DNAH11: variants seen among roughly 807,000 people sequenced by gnomAD.
The protein encoded by DNAH11 is dynein axonemal heavy chain 11.
In DNAH11, 442 loss-of-function variants were observed where a neutral mutation model predicts 526.0. The ratio of observed to expected loss-of-function variants is 0.84; its 90% confidence interval spans 0.78 to 0.91. The LOEUF is 0.91. Among genes scored for constraint, DNAH11 ranks in the 40% least tolerant of loss-of-function variants. The probability of loss-of-function intolerance (pLI) is 0.00; values close to 1 mark genes in which losing one functional copy is unlikely to be tolerated. For synonymous variants in DNAH11, 2,461 were observed against 1,935.9 expected, an observed-to-expected ratio of 1.27 and a Z score of -7.12; for missense variants, 6,989 against 5,448.7, an observed-to-expected ratio of 1.28 and a Z score of -8.90.
At chr7:21,881,962 G>A (rs1195988147) in intron 75 of DNAH11, among the ~76,000 whole-genome samples, 2 of 152,026 alleles carry the variant, frequency 1.3e-5, no homozygotes, top group Admixed American at 6.6e-5. Context: ...TGAATACTTT[G>A]AGCATATTTT....
chr7:21,789,162 A>C, intron 60 of DNAH11, 79 bp from the exon 61 acceptor site: 1 of 1,040,144 alleles, frequency 9.6e-7, no homozygotes, highest in Non-Finnish European at 1.4e-6. Context: ...TAGAGATTTT[A>C]ATTGTAAAGC....
At chr7:21,820,225 G>A (rs1583734490) in intron 65 of DNAH11, among the ~76,000 whole-genome samples, 1 of 152,072 alleles carries the variant, frequency 6.6e-6, no homozygotes, top group African/African-American at 2.4e-5. Context: ...ACTATACTGG[G>A]GGCTGCAGAT....
chr7:21,842,631 G>A lies in DNAH11; in HGVS notation c.10779G>A (p.Lys3593=). The A allele has an allele frequency of 8.7e-6, 14 of 1,613,952 alleles. No individual in the cohort carries two copies. Among genetic ancestry groups the A allele is most frequent in the Non-Finnish European group, 1.1e-5 (13 of 1,179,880 alleles). ...LHTKLANPHY[K]PELQAQTTLL... is the part of the protein sequence containing the mutation. ...CAAAATTGGCAAATCCTCACTATAA[G>A]CCGGAATTACAAGCTCAGACAACTC... is the stretch of plus-strand genomic sequence containing the variant. Residue 3593 remains lysine (K), a synonymous_variant, in exon 66 of 82, where the codon AAG becomes AAA. Transcript: ENST00000409508.
Position 21,892,587 on chromosome 7 carries a change from A to G in DNAH11, c.12670A>G (p.Thr4224Ala), listed in dbSNP as rs748398869. 5.6e-6 allele frequency: 9 copies of G among 1,613,612 alleles called. No individual in the cohort carries two copies. The highest frequency in any genetic ancestry group is 3.3e-4 in the Middle Eastern group (2 of 6,060). ...EIEFLTVTSN[T>A]LFRTLLEMQP... ...AGAATTCCTGACAGTGACATCCAAC[A>G]CTCTCTTCAGAACTTTGCTGGAGAT... Residue 4224 changes from threonine to alanine, a missense_variant, in exon 77 of 82, where the codon ACT becomes GCT. Coordinates refer to ENST00000409508, the MANE Select transcript of DNAH11 (RefSeq NM_001277115.2).
intron 67 of DNAH11, among the ~76,000 whole-genome samples, chr7:21,853,295 A>G (rs1409812575): frequency 2.0e-5 from 3 of 152,214 alleles, no homozygotes; most frequent in African/African-American, 7.2e-5. Context: ...TTTCTGGAAT[A>G]TCCTTATTAC....
intron 28 of DNAH11, among the ~76,000 whole-genome samples, chr7:21,648,094 G>C (rs1198871701): frequency 1.3e-5 from 2 of 152,126 alleles, no homozygotes; most frequent in African/African-American, 4.8e-5. Context: ...TTTAAATACT[G>C]GTGCTGTTGA....
intron 61 of DNAH11, among the ~76,000 whole-genome samples, chr7:21,795,757 T>C (rs1329966973): frequency 6.6e-6 from 1 of 152,194 alleles, no homozygotes; most frequent in Non-Finnish European, 1.5e-5. Context: ...TACTAAATGC[T>C]GTTTAATTTG....
At chr7:21,614,653 A>C (rs1004503751) in intron 20 of DNAH11, among the ~76,000 whole-genome samples, 9 of 152,184 alleles carry the variant, frequency 5.9e-5, no homozygotes, top group African/African-American at 1.4e-4. Flanking sequence ...TTATTTCACA[A>C]ATTCTCTTGA....
Position 21,812,684 on chromosome 7 carries a change from G to A in DNAH11, c.10333-3783G>A, listed in dbSNP as rs571431622. Among the ~76,000 whole-genome samples, 78 of 151,972 alleles carry A rather than the reference G, an allele frequency of 5.1e-4. 3 individuals carry two copies. In the South Asian group the frequency reaches 0.016, roughly 30 times the overall value. The stretch of plus-strand genomic sequence containing the variant: ...GAAAGAAAAGAGAGAGAGAGAGGTG[G>A]GAAGGGAGGAAAATGAACTCTTTCC... On this transcript the variant is annotated intron_variant, in intron 63 of 81. Transcript: ENST00000409508.
At chr7:21,632,159 T>G (rs535836687) in intron 25 of DNAH11, among the ~76,000 whole-genome samples, 1 of 152,010 alleles carries the variant, frequency 6.6e-6, no homozygotes, top group Non-Finnish European at 1.5e-5. Flanking sequence ...ATGGCTGGAG[T>G]GGCTGGGATG....
intron 76 of DNAH11, among the ~76,000 whole-genome samples, chr7:21,890,301 A>C (rs1222696499): frequency 6.6e-6 from 1 of 152,180 alleles, no homozygotes; most frequent in Non-Finnish European, 1.5e-5. Flanking sequence ...ATTGCCTACC[A>C]TATGGAAGGC....
chr7:21,666,654 T>C (rs1782431622), intron 30 of DNAH11, among the ~76,000 whole-genome samples: 1 of 152,074 alleles, frequency 6.6e-6, no homozygotes, highest in Non-Finnish European at 1.5e-5. Flanking sequence ...TTTAAAAAAT[T>C]TGGATACAAT....
At chr7:21,593,164 A>G (rs1279993734) in intron 14 of DNAH11, among the ~76,000 whole-genome samples, 52 of 152,276 alleles carry the variant, frequency 3.4e-4, no homozygotes, top group Non-Finnish European at 1.5e-5. Flanking sequence ...ACTGAAAAAG[A>G]GAGAGTGATG....
intron 58 of DNAH11, 74 bp downstream of exon 58, chr7:21,784,614 C>G: frequency 1.9e-6 from 2 of 1,080,572 alleles, no homozygotes; most frequent in Middle Eastern, 4.2e-4. Flanking sequence ...AATAACTGAG[C>G]TGAGAGAGTA....
chr7:21,840,338 A>G (rs1782157819), intron 65 of DNAH11, among the ~76,000 whole-genome samples: 1 of 152,246 alleles, frequency 6.6e-6, no homozygotes, highest in Non-Finnish European at 1.5e-5. Context: ...TTTTTTTCTC[A>G]TGGCTATTTA....
chr7:21,817,741 T>G (rs1789865095), intron 64 of DNAH11, among the ~76,000 whole-genome samples: 1 of 151,922 alleles, frequency 6.6e-6, no homozygotes, highest in Non-Finnish European at 1.5e-5. Flanking sequence ...TTGGAGAAAA[T>G]TATTTTTGGT....
At chr7:21,760,671 A>C (rs987480388) in intron 54 of DNAH11, among the ~76,000 whole-genome samples, 5 of 152,208 alleles carry the variant, frequency 3.3e-5, no homozygotes, top group African/African-American at 1.2e-4. Context: ...GTGAAAAATC[A>C]TGTCTACCAT....
chr7:21,546,816 T>C (rs1583470480), intron 2 of DNAH11, among the ~76,000 whole-genome samples: 1 of 152,220 alleles, frequency 6.6e-6, no homozygotes, highest in Non-Finnish European at 1.5e-5. Context: ...TCCTTGGAAA[T>C]TCCAATTTAA....
At position 21,749,777 on chromosome 7, in the gene DNAH11, C is replaced by G; in HGVS notation, c.8773C>G (p.Leu2925Val). Residue 2925 changes from leucine to valine, a missense_variant, in exon 53 of 82, where the codon CTG becomes GTG. Physicochemically the swap from Leu to Val is conservative, Grantham distance 32. Coordinates refer to ENST00000409508, the MANE Select transcript of DNAH11 (RefSeq NM_001277115.2). ...AQVLDESFLVLINDLLASGEI... is the reference protein window; with the variant it reads ...AQVLDESFLVVINDLLASGEI... The stretch of plus-strand genomic sequence containing the variant: ...GGTTCTAGATGAGAGCTTCCTCGTG[C>G]TGATTAATGACTTGCTGGCATCAGG... The G allele has an allele frequency of 6.2e-7, 1 of 1,613,936 alleles. No homozygotes were observed. The highest frequency in any genetic ancestry group is 8.5e-7 in the Non-Finnish European group (1 of 1,179,828).
Sources: gnomAD v4.1 joint callset for allele counts (sites outside exome capture counted in the v4.1 genomes callset) on GRCh38, gnomAD v4.1.1 for gene constraint, MANE v1.5 for transcripts, NCBI Gene and HGNC (gene_info 2026-07-23, HGNC 2026-07-21) for gene names.